PCDHGA5: variants seen among roughly 807,000 people sequenced by gnomAD.
PCDHGA5 encodes protocadherin gamma-A5.
PCDHGA5 carries 36 observed loss-of-function variants against 56.7 expected under a neutral mutation model. That is an observed-to-expected ratio of 0.64 (90% confidence interval 0.49 to 0.84). The LOEUF (loss-of-function observed/expected upper bound fraction) is 0.84. Among genes scored for constraint, PCDHGA5 ranks in the 40% least tolerant of loss-of-function variants. The probability of loss-of-function intolerance (pLI) is 0.00; values close to 1 mark genes in which losing one functional copy is unlikely to be tolerated. For synonymous variants in PCDHGA5, 563 were observed against 520.2 expected (o/e 1.08, Z -1.12); for missense variants, 1,305 against 1,201.5 (o/e 1.09, Z -1.27).
At chr5:141,469,804 T>C (rs1433459377) in intron 1 of PCDHGA5, among the ~76,000 whole-genome samples, 1 of 152,060 alleles carries the variant, frequency 6.6e-6, no homozygotes, top group Non-Finnish European at 1.5e-5. Context: ...TGCAAAAACA[T>C]TGTAGATAGA....
chr5:141,394,505 C>A (rs1366555133), intron 1 of PCDHGA5: 4 of 1,614,218 alleles, frequency 2.5e-6, no homozygotes, highest in Non-Finnish European at 3.4e-6. Context: ...AGATCCTGTA[C>A]CCCGCCCTCC....
Position 141,491,947 on chromosome 5 carries a change from C to T in PCDHGA5, c.2422-2860C>T. ...GGGGAGGTGGGACCGACCCCCACCCCTACACTCAAAAAAGGCCGGGGCCTC... is the reference window on the plus strand; with the variant it reads ...GGGGAGGTGGGACCGACCCCCACCCTTACACTCAAAAAAGGCCGGGGCCTC... On this transcript the variant is annotated intron_variant, in intron 1 of 3. Coordinates refer to ENST00000518069, the MANE Select transcript of PCDHGA5 (RefSeq NM_018918.3). The surrounding 1 kb of genome is among the most constrained non-coding windows in gnomAD (Gnocchi z 6.9). 1 of 1,114,210 alleles carries T rather than the reference C, an allele frequency of 9.0e-7. No individual in the cohort carries two copies. The highest frequency in any genetic ancestry group is 1.2e-6 in the Non-Finnish European group (1 of 815,758). 69.0% of individuals were successfully genotyped at this position (1,114,210 alleles called of 1,614,324 possible). A position where few individuals can be genotyped will look rare whatever the true frequency, so the allele number is the denominator to read the frequency against.
intron 1 of PCDHGA5, chr5:141,414,421 A>C (rs1250470349): frequency 6.2e-7 from 1 of 1,613,894 alleles, no homozygotes; most frequent in East Asian, 2.2e-5. Context: ...AGCCCTTGAC[A>C]GGGAACAGGT....
chr5:141,374,701 C>CA (rs1561563973), intron 1 of PCDHGA5: 1 of 1,608,962 alleles, frequency 6.2e-7, no homozygotes, highest in South Asian at 1.1e-5. Context: ...AAGGAGAAGC[C>CA]GTTTACCGCC....
At chr5:141,441,862 G>A (rs2098280399) in intron 1 of PCDHGA5, 3 of 342,456 alleles carry the variant, frequency 8.8e-6, no homozygotes, top group Non-Finnish European at 1.1e-5. Context: ...GCTGCACGCC[G>A]CGGAGCCTGG....
chr5:141,447,538 T>C (rs954291961), intron 1 of PCDHGA5, among the ~76,000 whole-genome samples: 4 of 152,204 alleles, frequency 2.6e-5, no homozygotes, highest in Admixed American at 2.6e-4. Context: ...TTGTTGGGTT[T>C]TAATGTTATG....
intron 1 of PCDHGA5, chr5:141,399,589 A>T: frequency 6.2e-7 from 1 of 1,613,984 alleles, no homozygotes; most frequent in Non-Finnish European, 8.5e-7. Context: ...CTACTCTATC[A>T]TGGCCAGCGA....
At chr5:141,495,270 G>A (rs1428903664) in intron 2 of PCDHGA5, among the ~76,000 whole-genome samples, 1 of 152,178 alleles carries the variant, frequency 6.6e-6, no homozygotes, top group African/African-American at 2.4e-5. Context: ...GCATTTGACC[G>A]GAGGAGGCGG....
intron 1 of PCDHGA5, among the ~76,000 whole-genome samples, chr5:141,368,368 T>C (rs1463572003): frequency 6.6e-6 from 1 of 151,982 alleles, no homozygotes; most frequent in Non-Finnish European, 1.5e-5. Context: ...TATACACACA[T>C]ATATATACAC....
At chr5:141,422,806 C>T (rs868426196) in intron 1 of PCDHGA5, 2 of 1,614,208 alleles carry the variant, frequency 1.2e-6, no homozygotes, top group Non-Finnish European at 1.7e-6. Flanking sequence ...TGAGCAGTTT[C>T]GAGACTTAGA....
intron 1 of PCDHGA5, chr5:141,375,677 G>A (rs1171088976): frequency 1.2e-6 from 2 of 1,614,236 alleles, no homozygotes; most frequent in South Asian, 1.1e-5. Context: ...ACAGCTGTGG[G>A]TGACAGCCAG....
intron 1 of PCDHGA5, chr5:141,422,099 A>C (rs374091819): frequency 6.2e-7 from 1 of 1,609,706 alleles, no homozygotes; most frequent in Non-Finnish European, 8.5e-7. Context: ...AAGGCTTCTG[A>C]AATATTCCAA....
chr5:141,415,740 G>GTTTTTTTTTTTTTTTTTTTTT (rs57426385), intron 1 of PCDHGA5: 5 of 625,024 alleles, frequency 8.0e-6, no homozygotes, highest in Non-Finnish European at 8.5e-6. Flanking sequence ...GTTTATTAAG[G>GTTTTTTTTTTTTTTTTTTTTT]TTTTTTTTTT....
rs200411745 is a variant in PCDHGA5, at chr5:141,490,281, C to T, written c.2422-4526C>T. The T allele has an allele frequency of 1.2e-6, 2 of 1,614,070 alleles. No homozygotes were observed. The highest frequency in any genetic ancestry group is 1.3e-5 in the African/African-American group (1 of 74,924). On this transcript the variant is annotated intron_variant, in intron 1 of 3. Transcript: ENST00000518069. This position sits in a 1 kb window ranked among gnomAD's most constrained non-coding sequence, Gnocchi z 5.4. The stretch of plus-strand genomic sequence containing the variant: ...ATGTGGGGGATGTCAATGACAATGC[C>T]CCAGAGGTGCTATTGGCCTCTTTGG...
chr5:141,415,206 G>A, intron 1 of PCDHGA5: 4 of 1,614,054 alleles, frequency 2.5e-6, no homozygotes, highest in African/African-American at 1.3e-5. Flanking sequence ...AAGTCCTGGC[G>A]GACCTCGGCA....
chr5:141,376,155 T>C, intron 1 of PCDHGA5: 1 of 1,614,062 alleles, frequency 6.2e-7, no homozygotes, highest in Non-Finnish European at 8.5e-7. Context: ...GACCTCACTC[T>C]GTACCTGGTG....
At chr5:141,410,849 CT>C (rs759346998) in intron 1 of PCDHGA5, 9,989 of 137,410 alleles carry the variant, frequency 0.073, 1 homozygote, top group South Asian at 0.15. Context: ...TTGTCTTTGT[CT>C]TTTTTTTTTT....
chr5:141,419,507 G>A (rs909984738), intron 1 of PCDHGA5: 2 of 1,612,198 alleles, frequency 1.2e-6, no homozygotes, highest in Non-Finnish European at 1.7e-6. Context: ...GAGCCTGCGC[G>A]TGTTGGTGGG....
At chr5:141,465,889 G>A (rs956310325) in intron 1 of PCDHGA5, among the ~76,000 whole-genome samples, 4 of 152,056 alleles carry the variant, frequency 2.6e-5, no homozygotes, top group Admixed American at 6.5e-5. Context: ...TTGGGAGGCC[G>A]AGGCGGGCAA....
Sources: gnomAD v4.1 joint callset for allele counts (sites outside exome capture counted in the v4.1 genomes callset) on GRCh38, gnomAD v4.1.1 for gene constraint, Gnocchi (gnomAD v3.1) non-coding constraint, MANE v1.5 for transcripts, NCBI Gene and HGNC (gene_info 2026-07-23, HGNC 2026-07-21) for gene names.